The following VAT1L variants were observed in gnomAD, a reference collection of about 807,000 sequenced individuals.
VAT1L encodes the protein putative NADPH-dependent quinone oxidoreductase VAT1L.
In VAT1L, 34 loss-of-function variants were observed where a neutral mutation model predicts 44.1. The ratio of observed to expected loss-of-function variants is 0.77; its 90% CI spans 0.59 to 1.03. The LOEUF is 1.03. Among genes scored for constraint, VAT1L ranks in the 50% least tolerant of loss-of-function variants. The pLI, the probability that VAT1L is intolerant of heterozygous loss-of-function variation, is 0.00. For synonymous variants in VAT1L, 253 were observed against 202.2 expected, an observed-to-expected ratio of 1.25 and a Z score of -2.13; for missense variants, 615 against 538.8, an observed-to-expected ratio of 1.14 and a Z score of -1.40.
At chr16:77,862,602 G>A in intron 3 of VAT1L, 146 bp from the exon 4 acceptor site, 1 of 799,286 alleles carries the variant, frequency 1.3e-6, no homozygotes, top group Non-Finnish European at 1.8e-6. Flanking sequence ...CAGCCTGAGT[G>A]ACAGAGTGAG....
At chr16:77,934,651 G>A (rs2017771021) in intron 7 of VAT1L, among the ~76,000 whole-genome samples, 1 of 152,162 alleles carries the variant, frequency 6.6e-6, no homozygotes, top group African/African-American at 2.4e-5. Context: ...CTAATTTAGT[G>A]GGATGTGAAC....
intron 7 of VAT1L, among the ~76,000 whole-genome samples, chr16:77,933,775 G>A (rs529036053): frequency 6.6e-6 from 1 of 152,296 alleles, no homozygotes; most frequent in East Asian, 1.9e-4. Flanking sequence ...CAACAATAAG[G>A]CAAATACGAC....
Position 77,884,170 on chromosome 16 carries a change from T to TA in VAT1L, c.883-430dup, listed in dbSNP as rs1024033297. 6.6e-6 allele frequency among the ~76,000 whole-genome samples: 1 copy of TA among 151,874 alleles called. No individual in the cohort carries two copies. The highest frequency in any genetic ancestry group is 2.4e-5 in the African/African-American group (1 of 41,318). ...CAGTGCCTAGAAAAATAGATGCTTT[T>TA]AAAAAAAATACACCACTGTCCAAGG... On this transcript the variant is annotated intron_variant, in intron 6 of 8. Coordinates refer to ENST00000302536, the MANE Select transcript of VAT1L (RefSeq NM_020927.3). The surrounding 1 kb of genome is among the most constrained non-coding windows in gnomAD (Gnocchi z 4.5).
intron 3 of VAT1L, among the ~76,000 whole-genome samples, chr16:77,855,830 C>T (rs571247134): frequency 3.7e-4 from 57 of 152,166 alleles, no homozygotes; most frequent in African/African-American, 1.3e-3. Context: ...CCATCCTGGC[C>T]AACATGGTGA....
chr16:77,797,665 C>A (rs910753639), intron 1 of VAT1L, among the ~76,000 whole-genome samples: 5 of 152,176 alleles, frequency 3.3e-5, no homozygotes, highest in African/African-American at 1.2e-4. Flanking sequence ...ATGCTTTGGA[C>A]ACATCACTGA....
intron 1 of VAT1L, among the ~76,000 whole-genome samples, chr16:77,803,595 A>G (rs2145217903): frequency 6.6e-6 from 1 of 151,642 alleles, no homozygotes; most frequent in Middle Eastern, 3.4e-3. Context: ...AATTTTTTGT[A>G]TTTTTAGTAG....
Position 77,927,723 on chromosome 16 carries a change from G to T in VAT1L, c.1077+42921G>T, listed in dbSNP as rs571703975. Among the ~76,000 whole-genome samples the T allele has an allele frequency of 3.3e-5, 5 of 152,076 alleles. No individual in the cohort carries two copies. The South Asian group carries it at 8.3e-4, about 25-fold the overall frequency. On this transcript the variant is annotated intron_variant, in intron 7 of 8. Coordinates refer to ENST00000302536, the MANE Select transcript of VAT1L (RefSeq NM_020927.3). ...AAACCCCGTCTCTACTAAAAAATTA[G>T]CCGGGTGTGGTGGCACACGCCTGTA...
chr16:77,971,824 C>T lies in VAT1L; in HGVS notation c.1078-26C>T, dbSNP rs772467755. 2.4e-5 allele frequency: 38 copies of T among 1,608,400 alleles called. No homozygotes were observed. The East Asian group carries it at 7.1e-4, about 30-fold the overall frequency. ...TGGGGAACATCTCGCCTAACCAGCA[C>T]CTCTGTTTCTCACCTTTTCGCGCAG... On this transcript the variant is annotated intron_variant, in intron 7 of 8. Coordinates refer to ENST00000302536, the MANE Select transcript of VAT1L (RefSeq NM_020927.3).
At chr16:77,882,777 T>C (rs2017168554) in intron 6 of VAT1L, among the ~76,000 whole-genome samples, 1 of 152,220 alleles carries the variant, frequency 6.6e-6, no homozygotes, top group Non-Finnish European at 1.5e-5. Flanking sequence ...ATTTCCCAAG[T>C]TGGTTTGTTT....
At chr16:77,868,762 G>A (rs973602413) in intron 4 of VAT1L, among the ~76,000 whole-genome samples, 5 of 152,232 alleles carry the variant, frequency 3.3e-5, no homozygotes, top group East Asian at 1.9e-4. Context: ...TTAGATCAGA[G>A]CTTCCAACCT....
chr16:77,949,655 G>A (rs1176064346), intron 7 of VAT1L, among the ~76,000 whole-genome samples: 7 of 152,150 alleles, frequency 4.6e-5, no homozygotes, highest in African/African-American at 1.7e-4. Context: ...CTCTCTCACT[G>A]TGTGATCTCT....
intron 7 of VAT1L, among the ~76,000 whole-genome samples, chr16:77,947,035 T>C (rs984961719): frequency 1.3e-5 from 2 of 152,202 alleles, no homozygotes; most frequent in African/African-American, 2.4e-5. Context: ...GGCTGATAGA[T>C]ATTCCTTGCC....
intron 1 of VAT1L, among the ~76,000 whole-genome samples, chr16:77,789,463 G>A (rs1209147090): frequency 6.6e-6 from 1 of 152,154 alleles, no homozygotes; most frequent in East Asian, 1.9e-4. Context: ...GGCTTGGCCG[G>A]GAATTTGATA....
intron 4 of VAT1L, among the ~76,000 whole-genome samples, chr16:77,867,436 A>G (rs1353044396): frequency 6.6e-6 from 1 of 152,212 alleles, no homozygotes; most frequent in Non-Finnish European, 1.5e-5. Context: ...AAATGGGTAC[A>G]CAATATCATC....
At chr16:77,850,502 T>A (rs12595993) in intron 3 of VAT1L, among the ~76,000 whole-genome samples, 81,470 of 151,930 alleles carry the variant, frequency 0.54, 22,314 homozygotes, top group East Asian at 0.76. Context: ...TATATGACCC[T>A]ATTTGCCTAA....
chr16:77,805,507 A>T (rs2016139342), intron 1 of VAT1L, among the ~76,000 whole-genome samples: 1 of 151,200 alleles, frequency 6.6e-6, no homozygotes, highest in Non-Finnish European at 1.5e-5. Context: ...TTTGATGAAC[A>T]TATTATCAGC....
chr16:77,808,957 G>A (rs2016214901), intron 1 of VAT1L, among the ~76,000 whole-genome samples: 1 of 152,106 alleles, frequency 6.6e-6, no homozygotes, highest in African/African-American at 2.4e-5. Context: ...TTAACTTTGG[G>A]CATCCACTAC....
At chr16:77,791,275 C>T (rs1445407643) in intron 1 of VAT1L, among the ~76,000 whole-genome samples, 1 of 152,150 alleles carries the variant, frequency 6.6e-6, no homozygotes, top group African/African-American at 2.4e-5. Flanking sequence ...TTTATCTGCT[C>T]TCTATTTTTA....
intron 1 of VAT1L, among the ~76,000 whole-genome samples, chr16:77,814,110 A>G (rs2016311331): frequency 6.6e-6 from 1 of 152,180 alleles, no homozygotes; most frequent in African/African-American, 2.4e-5. Context: ...ATGATAGTTC[A>G]TACCTCATAG....
Sources: allele counts gnomAD v4.1 joint callset (sites outside exome capture counted in the v4.1 genomes callset), GRCh38; gene constraint gnomAD v4.1.1; non-coding constraint Gnocchi (gnomAD v3.1); transcripts MANE v1.5; gene names NCBI Gene and HGNC (gene_info 2026-07-23, HGNC 2026-07-21).